GALNT9: variants seen among roughly 807,000 people sequenced by gnomAD.
GALNT9 encodes the protein GalNAc transferase 9.
A neutral mutation model predicts 63.1 loss-of-function variants in GALNT9; 47 were observed. That is an observed-to-expected ratio of 0.75 (90% CI 0.59 to 0.95). GALNT9 has a LOEUF of 0.95. GALNT9 is among the 40% of genes least tolerant of loss of function. The pLI, the probability that GALNT9 is intolerant of heterozygous loss-of-function variation, is 0.00. For missense variants in GALNT9, 829 were observed against 874.8 expected (o/e 0.95, Z 0.66); for synonymous variants, 396 against 365.7 (o/e 1.08, Z -0.94).
At chr12:132,224,759 CCA>C (rs1392413996) in intron 6 of GALNT9, among the ~76,000 whole-genome samples, 2 of 147,022 alleles carry the variant, frequency 1.4e-5, no homozygotes, top group East Asian at 2.1e-4. Flanking sequence ...CTCCCACACC[CCA>C]CACTGTACAC....
intron 1 of GALNT9, among the ~76,000 whole-genome samples, chr12:132,309,881 T>C (rs1030981027): frequency 1.3e-5 from 2 of 152,146 alleles, no homozygotes; most frequent in African/African-American, 4.8e-5. Context: ...CCACCACCCG[T>C]CCCCTGTTCT....
At chr12:132,225,528 A>G (rs941196101) in intron 6 of GALNT9, among the ~76,000 whole-genome samples, 1 of 144,618 alleles carries the variant, frequency 6.9e-6, no homozygotes, top group Non-Finnish European at 1.5e-5. Context: ...GTATATACAC[A>G]TGCCACACAC....
chr12:132,262,130 G>T (rs1879411281), intron 3 of GALNT9, among the ~76,000 whole-genome samples: 1 of 152,230 alleles, frequency 6.6e-6, no homozygotes, highest in South Asian at 2.1e-4. Flanking sequence ...GTATCCGGTT[G>T]AGTATCTTGA....
intron 1 of GALNT9, among the ~76,000 whole-genome samples, chr12:132,290,988 ACCCACAACCACAGTG>A (rs1880802837): frequency 3.4e-5 from 2 of 58,308 alleles, no homozygotes; most frequent in Non-Finnish European, 3.3e-5. Flanking sequence ...CAACCACAGC[ACCCACAACCACAGTG>A]CCCACGTCCA....
rs2135595709 is a variant in GALNT9 at position 132,327,791 on chromosome 12, C to T, written c.238+1175G>A. ...GTCAGACAAAGCTGGGACAACCCCT[C>T]CTCATGGGGATTCACCTCCCCCTCC... On this transcript the variant is annotated intron_variant, in intron 1 of 10. Coordinates refer to ENST00000328957, the MANE Select transcript of GALNT9 (RefSeq NM_001122636.2). This position sits in a 1 kb window ranked among gnomAD's most constrained non-coding sequence, Gnocchi z 4.3. 6.6e-6 allele frequency among the ~76,000 whole-genome samples: 1 copy of T among 152,212 alleles called. No individual in the cohort carries two copies. The highest frequency in any genetic ancestry group is 1.9e-4 in the East Asian group (1 of 5,152).
chr12:132,243,286 T>C, intron 6 of GALNT9, among the ~76,000 whole-genome samples: 1 of 127,882 alleles, frequency 7.8e-6, no homozygotes, highest in South Asian at 2.4e-4. Flanking sequence ...CAACACACAC[T>C]TCCCGGGGCC....
Position 132,238,277 on chromosome 12 carries a change from C to T in GALNT9, c.1077+9633G>A, listed in dbSNP as rs2136895935. Among the ~76,000 whole-genome samples, 3 of 151,930 alleles carry T rather than the reference C, an allele frequency of 2.0e-5. No individual in the cohort carries two copies. The highest frequency in any genetic ancestry group is 3.4e-3 in the Middle Eastern group (1 of 294). ...CGGCCGGCTGCTGGGTCCCTCACGG[C>T]GGAGACCGAGGACTCCCCTTTGCAG... On this transcript the variant is annotated intron_variant, in intron 6 of 10. Transcript: ENST00000328957. This position sits in a 1 kb window ranked among gnomAD's most constrained non-coding sequence, Gnocchi z 6.5.
intron 6 of GALNT9, among the ~76,000 whole-genome samples, chr12:132,230,358 AT>A (rs1877845217): frequency 6.6e-6 from 1 of 152,220 alleles, no homozygotes; most frequent in South Asian, 2.1e-4. Flanking sequence ...AAGCCACTAA[AT>A]TATGGGGTGA....
At chr12:132,259,612 C>T (rs184005943) in intron 4 of GALNT9, among the ~76,000 whole-genome samples, 1 of 152,174 alleles carries the variant, frequency 6.6e-6, no homozygotes, top group Non-Finnish European at 1.5e-5. Context: ...CAAGTCCCCA[C>T]TTGAACCCAC....
At chr12:132,243,770 C>G (rs2136905912) in intron 6 of GALNT9, among the ~76,000 whole-genome samples, 196 of 152,306 alleles carry the variant, frequency 1.3e-3, no homozygotes, top group Non-Finnish European at 1.8e-3. Flanking sequence ...GGCATTCTGT[C>G]CCTATGAAGG....
chr12:132,245,179 C>T lies in GALNT9; in HGVS notation c.1077+2731G>A, dbSNP rs997557757. Among the ~76,000 whole-genome samples, 2 of 152,078 alleles carry T rather than the reference C, an allele frequency of 1.3e-5. No homozygotes were observed. Among genetic ancestry groups the T allele is most frequent in the Non-Finnish European group, 2.9e-5 (2 of 67,994 alleles). ...TATGTCAGCCAGGCGTGGTGGTTCA[C>T]ACCTGGAATCCCAGCACTGTGGGAG... On this transcript the variant is annotated intron_variant, in intron 6 of 10. Transcript: ENST00000328957. This position sits in a 1 kb window ranked among gnomAD's most constrained non-coding sequence, Gnocchi z 6.3.
chr12:132,216,104 A>G (rs542798081), intron 6 of GALNT9, among the ~76,000 whole-genome samples: 99 of 146,346 alleles, frequency 6.8e-4, no homozygotes, highest in Middle Eastern at 3.4e-3. Flanking sequence ...AGAGACAGAA[A>G]GATACAGAGA....
At chr12:132,268,298 C>G (rs1306895580) in intron 2 of GALNT9, among the ~76,000 whole-genome samples, 3 of 152,178 alleles carry the variant, frequency 2.0e-5, no homozygotes, top group African/African-American at 7.2e-5. Flanking sequence ...GAAACACACA[C>G]GTATGCTCTC....
intron 5 of GALNT9, 39 bp downstream of exon 5, chr12:132,257,650 C>T (rs1226178017): frequency 3.6e-5 from 53 of 1,488,198 alleles, no homozygotes; most frequent in African/African-American, 1.5e-4. Context: ...CGCTCCTTGC[C>T]GGGCAGGGCC....
intron 6 of GALNT9, among the ~76,000 whole-genome samples, chr12:132,241,245 C>A (rs1591588812): frequency 1.4e-5 from 1 of 70,640 alleles, no homozygotes; most frequent in East Asian, 4.5e-4. Flanking sequence ...ATACCCATTA[C>A]ACACACGCCA....
At chr12:132,200,276 A>AC (rs1470429211) in intron 8 of GALNT9, among the ~76,000 whole-genome samples, 2 of 151,908 alleles carry the variant, frequency 1.3e-5, no homozygotes, top group Admixed American at 6.6e-5. Flanking sequence ...GGTGGGAGGC[A>AC]CCCCATCCCC....
At position 132,266,293 on chromosome 12, in the gene GALNT9, T is replaced by G. The variant is rs577382359; in HGVS notation, c.420-3668A>C. 2.6e-5 allele frequency among the ~76,000 whole-genome samples: 4 copies of G among 152,376 alleles called. No homozygotes were observed. The East Asian group carries it at 7.7e-4, about 29-fold the overall frequency. On this transcript the variant is annotated intron_variant, in intron 2 of 10. Coordinates refer to ENST00000328957, the MANE Select transcript of GALNT9 (RefSeq NM_001122636.2). The stretch of plus-strand genomic sequence containing the variant: ...GACTCCCCTCGAGCTAAGGGGCTGC[T>G]TCTCCCTCCGAGCAGCGCCTTTGCT...
intron 4 of GALNT9, among the ~76,000 whole-genome samples, chr12:132,258,686 G>A (rs1240318624): frequency 6.6e-6 from 1 of 152,232 alleles, no homozygotes; most frequent in Non-Finnish European, 1.5e-5. Context: ...GCAATGGGGG[G>A]CGAGGAGGGC....
At chr12:132,284,499 G>A (rs546167213) in intron 2 of GALNT9, 2 of 152,336 alleles carry the variant, frequency 1.3e-5, no homozygotes, top group Non-Finnish European at 2.9e-5. Context: ...TTTTTTATTT[G>A]AAAGGGAATC....
Sources: allele counts gnomAD v4.1 joint callset (sites outside exome capture counted in the v4.1 genomes callset), GRCh38; gene constraint gnomAD v4.1.1; non-coding constraint Gnocchi (gnomAD v3.1); transcripts MANE v1.5; gene names NCBI Gene and HGNC (gene_info 2026-07-23, HGNC 2026-07-21).